The following DCDC2 variants were observed in gnomAD, a reference collection of about 807,000 sequenced individuals.
DCDC2 encodes the protein doublecortin domain containing 2, also known as doublecortin domain-containing protein 2.
A neutral mutation model predicts 50.2 loss-of-function variants in DCDC2; 40 were observed. The observed-to-expected ratio is 0.80, with a 90% CI of 0.62 to 1.04. DCDC2 has a LOEUF of 1.04. Among genes scored for constraint, DCDC2 ranks in the 50% least tolerant of loss-of-function variants. The pLI, the probability that DCDC2 is intolerant of heterozygous loss-of-function variation, is 0.00. For synonymous variants in DCDC2, 234 were observed against 210.6 expected, an observed-to-expected ratio of 1.11 and a Z score of -0.96; for missense variants, 570 against 581.9, an observed-to-expected ratio of 0.98 and a Z score of 0.21.
Position 24,302,027 on chromosome 6 carries a change from A to G in DCDC2, c.366T>C (p.His122=), listed in dbSNP as rs200657247. ...VVNTEVKPVI[H]SRINVSARFR... is the part of the protein sequence containing the mutation. ...AGCGAGCTGACACGTTGATCCTGCT[A>G]TGGATTACTGGTTTTACCTTTAAAA... The change falls in exon 3 of 10, where the codon CAT becomes CAC. Residue 122 remains histidine, a synonymous_variant. Transcript: ENST00000378454. 51 of 1,613,892 alleles carry G rather than the reference A, an allele frequency of 3.2e-5. No homozygotes were observed. The East Asian group carries it at 1.0e-3, about 33-fold the overall frequency.
chr6:24,369,133 C>CAAAAAAAAAAA, the DCDC2 span, among the ~76,000 whole-genome samples: 2 of 92,772 alleles, frequency 2.2e-5, no homozygotes, highest in African/African-American at 9.7e-5. Flanking sequence ...GACTCTGTCT[C>CAAAAAAAAAAA]AAAAAAAAAA....
At chr6:24,242,835 ACCTGTAATC>A (rs1439576012) in intron 7 of DCDC2, among the ~76,000 whole-genome samples, 6 of 151,928 alleles carry the variant, frequency 3.9e-5, no homozygotes, top group African/African-American at 1.5e-4. Flanking sequence ...GGTGGCATGC[ACCTGTAATC>A]CCAGCTACAT....
At chr6:24,317,889 C>T (rs553328789) in intron 2 of DCDC2, among the ~76,000 whole-genome samples, 21 of 151,498 alleles carry the variant, frequency 1.4e-4, no homozygotes, top group African/African-American at 4.8e-4. Context: ...TTGATCTTTA[C>T]ACATATAAAA....
At chr6:24,251,194 TAGCA>T (rs1762785042) in intron 7 of DCDC2, among the ~76,000 whole-genome samples, 1 of 152,166 alleles carries the variant, frequency 6.6e-6, no homozygotes, top group African/African-American at 2.4e-5. Flanking sequence ...TCCTGTTTCC[TAGCA>T]AATCGCCTTG....
chr6:24,214,055 C>G (rs1442010324), intron 7 of DCDC2, among the ~76,000 whole-genome samples: 8 of 152,128 alleles, frequency 5.3e-5, no homozygotes, highest in Non-Finnish European at 1.5e-5. Context: ...AAGAATATCA[C>G]AAGTCATATT....
At chr6:24,301,501 T>G (rs529013964) in intron 4 of DCDC2, among the ~76,000 whole-genome samples, 5 of 152,128 alleles carry the variant, frequency 3.3e-5, no homozygotes, top group Admixed American at 3.3e-4. Flanking sequence ...TGTGCTACTA[T>G]GTGCCAATGA....
At chr6:24,318,646 T>C (rs534345195) in intron 2 of DCDC2, among the ~76,000 whole-genome samples, 2 of 152,074 alleles carry the variant, frequency 1.3e-5, no homozygotes, top group Non-Finnish European at 1.5e-5. Context: ...TAAGTGGGAA[T>C]ATGCACTTCC....
intron 2 of DCDC2, among the ~76,000 whole-genome samples, chr6:24,306,173 G>C (rs974753651): frequency 6.6e-6 from 1 of 152,142 alleles, no homozygotes; most frequent in Admixed American, 6.6e-5. Flanking sequence ...GCCAGGGATG[G>C]AGTTCACTGG....
At chr6:24,211,216 T>C (rs1233024461) in intron 7 of DCDC2, among the ~76,000 whole-genome samples, 1 of 152,202 alleles carries the variant, frequency 6.6e-6, no homozygotes, top group East Asian at 1.9e-4. Context: ...GCCAACAACT[T>C]AGCCACTAGC....
rs550787158 is a variant in DCDC2, at chr6:24,332,878, T to C, written c.348+20691A>G. Among the ~76,000 whole-genome samples, 82 of 152,260 alleles carry C rather than the reference T, an allele frequency of 5.4e-4. No homozygotes were observed. In the South Asian group the frequency reaches 0.015, roughly 28 times the overall value. ...GTATAAAAATGAGTATAAACAGGCA[T>C]GGTATCTAACCTCTTGGAGTTTACA... is the stretch of plus-strand genomic sequence containing the variant. On this transcript the variant is annotated intron_variant, in intron 2 of 9. Transcript: ENST00000378454.
At chr6:24,228,187 T>A (rs1415176381) in intron 7 of DCDC2, among the ~76,000 whole-genome samples, 1 of 152,214 alleles carries the variant, frequency 6.6e-6, no homozygotes, top group African/African-American at 2.4e-5. Context: ...TAGGTATAAA[T>A]CAGCTCTGGC....
chr6:24,371,124 A>G, the DCDC2 span, among the ~76,000 whole-genome samples: 3 of 151,384 alleles, frequency 2.0e-5, no homozygotes, highest in Non-Finnish European at 1.5e-5. Context: ...AAAAATACAA[A>G]AAATTAGCTG....
the DCDC2 span, among the ~76,000 whole-genome samples, chr6:24,378,871 G>C: frequency 2.0e-5 from 3 of 149,248 alleles, no homozygotes; most frequent in South Asian, 6.4e-4. Context: ...AGGATTGCTT[G>C]AGCCCAGGAG....
chr6:24,314,479 A>AAAAAAAC (rs1554118491), intron 2 of DCDC2, among the ~76,000 whole-genome samples: 5 of 151,686 alleles, frequency 3.3e-5, no homozygotes, highest in African/African-American at 7.3e-5. Flanking sequence ...GTTGTCTCAA[A>AAAAAAAC]AAAAACAAAA....
chr6:24,237,417 A>T (rs1762468882), intron 7 of DCDC2, among the ~76,000 whole-genome samples: 1 of 152,194 alleles, frequency 6.6e-6, no homozygotes, highest in Non-Finnish European at 1.5e-5. Flanking sequence ...AAGTCAAAAA[A>T]TAACACACGT....
chr6:24,304,470 G>A (rs1036399931), intron 2 of DCDC2, among the ~76,000 whole-genome samples: 2 of 152,136 alleles, frequency 1.3e-5, no homozygotes, highest in African/African-American at 2.4e-5. Flanking sequence ...GCAACAAAGC[G>A]AGACTCTGTC....
intron 8 of DCDC2, among the ~76,000 whole-genome samples, chr6:24,182,586 A>G (rs557688768): frequency 6.7e-6 from 1 of 149,758 alleles, no homozygotes; most frequent in Non-Finnish European, 1.5e-5. Context: ...AATACAAATT[A>G]AAACTGCAAT....
intron 2 of DCDC2, among the ~76,000 whole-genome samples, chr6:24,348,813 T>C (rs1450436603): frequency 6.6e-6 from 1 of 152,164 alleles, no homozygotes; most frequent in Non-Finnish European, 1.5e-5. Context: ...TAGATAATCA[T>C]AGCTAGTTTA....
At chr6:24,223,379 C>T (rs7747779) in intron 7 of DCDC2, among the ~76,000 whole-genome samples, 112,195 of 152,134 alleles carry the variant, frequency 0.74, 41,746 homozygotes, top group Non-Finnish European at 0.77. Context: ...GCTAACTCTA[C>T]GCAAACATGA....
Sources: gnomAD v4.1 joint callset for allele counts (sites outside exome capture counted in the v4.1 genomes callset) on GRCh38, gnomAD v4.1.1 for gene constraint, MANE v1.5 for transcripts, NCBI Gene and HGNC (gene_info 2026-07-23, HGNC 2026-07-21) for gene names.